KLRB1: variants seen among roughly 807,000 people sequenced by gnomAD.
The protein encoded by KLRB1 is killer cell lectin-like receptor subfamily B member 1.
A neutral mutation model predicts 33.5 loss-of-function variants in KLRB1; 27 were observed. That is an observed-to-expected ratio of 0.81 (90% CI 0.59 to 1.11). The LOEUF (loss-of-function observed/expected upper bound fraction) is 1.11. Among genes scored for constraint, KLRB1 ranks in the 50% most tolerant of loss-of-function variants. The pLI, the probability that KLRB1 is intolerant of heterozygous loss-of-function variation, is 0.00. For synonymous variants in KLRB1, 64 were observed against 88.9 expected, an observed-to-expected ratio of 0.72 and a Z score of 1.58; for missense variants, 241 against 254.1, an observed-to-expected ratio of 0.95 and a Z score of 0.35.
chr12:9,594,961 T>A lies in KLRB1; in HGVS notation c.*313A>T, dbSNP rs2058427. 0.47 allele frequency: 102,184 copies of A among 218,706 alleles called. 24,596 individuals are homozygous for A. Among genetic ancestry groups the A allele is most frequent in the Non-Finnish European group, 0.5 (55,535 of 111,414 alleles). The allele number at this position is 218,706 out of a possible 1,614,324, so 13.5% of individuals were successfully genotyped here. The stretch of plus-strand genomic sequence containing the variant: ...AGCTCTCCCTTTCTGAATCTACAAT[T>A]TCTCCACTGTTTTAAACACAAAACA... On this transcript the variant is annotated 3_prime_UTR_variant, in exon 6 of 6. Transcript: ENST00000229402.
Position 9,599,821 on chromosome 12 carries a change from A to G in KLRB1, c.205T>C (p.Ser69Pro). 6.3e-7 allele frequency: 1 copy of G among 1,598,044 alleles called. No individual in the cohort carries two copies. The highest frequency in any genetic ancestry group is 2.2e-5 in the East Asian group (1 of 44,722). The change falls in exon 3 of 6, where the codon TCA (serine) becomes CCA (proline). Residue 69 changes from serine (S) to proline (P), a missense_variant. Physicochemically the swap from Ser to Pro is moderately conservative, Grantham distance 74 (BLOSUM62 -1). Coordinates refer to ENST00000229402, the MANE Select transcript of KLRB1 (RefSeq NM_002258.3). ...TCCACACTGCATTTTTCTATTGATG[A>G]TTTCTGTATTAAGGATGTCACTAGT... ...SVSVTSLIQK[S>P]SIEKCSVDIQ...
intron 1 of KLRB1, among the ~76,000 whole-genome samples, chr12:9,605,287 G>A (rs894880598): frequency 1.3e-4 from 20 of 152,092 alleles, no homozygotes; most frequent in African/African-American, 4.1e-4. Flanking sequence ...GAATGCTGCC[G>A]CAATAAACAT....
In KLRB1 at chr12:9,601,675, C is replaced by T. The variant is rs1465520153; in HGVS notation, c.86-76G>A. 4 of 924,544 alleles carry T rather than the reference C, an allele frequency of 4.3e-6. No homozygotes were observed. The African/African-American group carries it at 6.4e-5, about 15-fold the overall frequency. The allele number at this position is 924,544 out of a possible 1,614,324, so 57.3% of individuals were successfully genotyped here. ...AAACCTTGGTTAACTCAGTGGAGTA[C>T]ATCTGGCACAAAAATGTACTTGGGA... On this transcript the variant is annotated intron_variant, in intron 1 of 5. Transcript: ENST00000229402.
chr12:9,602,554 C>A (rs1211523273), intron 1 of KLRB1, among the ~76,000 whole-genome samples: 2 of 151,888 alleles, frequency 1.3e-5, no homozygotes, highest in Non-Finnish European at 2.9e-5. Context: ...TAAATAGCTC[C>A]CCTATCTCTG....
intron 2 of KLRB1, among the ~76,000 whole-genome samples, chr12:9,600,678 T>A (rs1591656592): frequency 6.6e-6 from 1 of 152,132 alleles, no homozygotes; most frequent in East Asian, 1.9e-4. Context: ...TGTGCTTTGT[T>A]AAACAGATGC....
chr12:9,598,012 A>T (rs1348976753), intron 5 of KLRB1, 34 bp downstream of exon 5: 3 of 977,136 alleles, frequency 3.1e-6, no homozygotes, highest in Non-Finnish European at 4.8e-6. Context: ...CCTGATATAA[A>T]TTGAATATTA....
At chr12:9,597,543 C>T (rs1028687170) in intron 5 of KLRB1, among the ~76,000 whole-genome samples, 5 of 152,120 alleles carry the variant, frequency 3.3e-5, no homozygotes, top group African/African-American at 9.7e-5. Context: ...ATCACATCGT[C>T]TCAAGTACCT....
intron 1 of KLRB1, among the ~76,000 whole-genome samples, chr12:9,607,049 G>T (rs1206894497): frequency 6.6e-6 from 1 of 151,820 alleles, no homozygotes; most frequent in Non-Finnish European, 1.5e-5. Flanking sequence ...CACTGCAACT[G>T]GCCTACACGT....
At chr12:9,607,355 C>CCTCCTTT (rs1864625874) in intron 1 of KLRB1, among the ~76,000 whole-genome samples, 1 of 52,706 alleles carries the variant, frequency 1.9e-5, no homozygotes, top group Non-Finnish European at 4.4e-5. Flanking sequence ...TTTCTTTCTT[C>CCTCCTTT]CTTTCTTTCT....
chr12:9,606,994 C>G (rs148856391), intron 1 of KLRB1, among the ~76,000 whole-genome samples: 1,593 of 151,624 alleles, frequency 0.011, 32 homozygotes, highest in African/African-American at 0.036. Flanking sequence ...TGGACTCAAG[C>G]AAATCACCTT....
chr12:9,607,335 C>CCTTCCTTCCTTTCTTT lies in KLRB1; in HGVS notation c.85+419_85+420insAAAGAAAGGAAGGAAG, dbSNP rs1864621978. On this transcript the variant is annotated intron_variant, in intron 1 of 5. Coordinates refer to ENST00000229402, the MANE Select transcript of KLRB1 (RefSeq NM_002258.3). ...TTTCTTCTTTTCTTTCTCTTTCTTT[C>CCTTCCTTCCTTTCTTT]CTTTCTTTCTTTCTTTCTTCCTTTC... 6.1e-4 allele frequency among the ~76,000 whole-genome samples: 40 copies of CCTTCCTTCCTTTCTTT among 65,270 alleles called. 3 individuals carry two copies. Among genetic ancestry groups the CCTTCCTTCCTTTCTTT allele is most frequent in the South Asian group, 2.5e-3 (3 of 1,178 alleles). The allele number at this position is 65,270 out of a possible 152,430, so 42.8% of individuals were successfully genotyped here. A position where few individuals can be genotyped will look rare whatever the true frequency, so the allele number is the denominator to read the frequency against.
chr12:9,606,035 CA>C (rs1864595449), intron 1 of KLRB1, among the ~76,000 whole-genome samples: 1 of 152,024 alleles, frequency 6.6e-6, no homozygotes, highest in Admixed American at 6.6e-5. Flanking sequence ...GTTACTCAAC[CA>C]AATCCTCCCT....
chr12:9,607,335 C>T (rs756999378), intron 1 of KLRB1, among the ~76,000 whole-genome samples: 21,283 of 65,320 alleles, frequency 0.33, 3,498 homozygotes, highest in African/African-American at 0.37. Flanking sequence ...CTCTTTCTTT[C>T]CTTTCTTTCT....
intron 1 of KLRB1, among the ~76,000 whole-genome samples, chr12:9,604,036 T>A (rs1206868443): frequency 6.6e-6 from 1 of 151,774 alleles, no homozygotes; most frequent in Non-Finnish European, 1.5e-5. Flanking sequence ...TTTTTAACTA[T>A]AGGTAAAAGG....
At chr12:9,606,741 TATATATA>T (rs1864607210) in intron 1 of KLRB1, among the ~76,000 whole-genome samples, 1 of 23,550 alleles carries the variant, frequency 4.2e-5, no homozygotes, top group Non-Finnish European at 7.9e-5. Flanking sequence ...AAAGTATATA[TATATATA>T]TATATATATA....
In KLRB1 at chr12:9,607,831, T is replaced by C; in HGVS notation, c.9A>G (p.Gln3=). 2 of 1,612,622 alleles carry C rather than the reference T, an allele frequency of 1.2e-6. No homozygotes were observed. Among genetic ancestry groups the C allele is most frequent in the South Asian group, 1.1e-5 (1 of 91,014 alleles). MD[Q]QAIYAELNLP... ...AGTTTAACTCAGCATATATTGCTTG[T>C]TGGTCCATGGCAGACAGAGGAAGGT... Residue 3 remains glutamine (Q), a synonymous_variant, in exon 1 of 6, where the codon CAA becomes CAG. Transcript: ENST00000229402.
intron 5 of KLRB1, among the ~76,000 whole-genome samples, 197 bp from the exon 6 acceptor site, chr12:9,595,618 C>T (rs749201652): frequency 6.6e-6 from 1 of 152,204 alleles, no homozygotes; most frequent in Non-Finnish European, 1.5e-5. Context: ...CCAAGTTCAT[C>T]TTCATTGGAA....
Position 9,598,035 on chromosome 12 carries a change from C to G in KLRB1, c.530+11G>C, listed in dbSNP as rs1250577183. On this transcript the variant is annotated intron_variant, in intron 5 of 5. Coordinates refer to ENST00000229402, the MANE Select transcript of KLRB1 (RefSeq NM_002258.3). The stretch of plus-strand genomic sequence containing the variant: ...AAATTGAATATTAAAGTTAGCTCAT[C>G]TAATACTCACTCATTAGAATTTAAA... The G allele has an allele frequency of 4.2e-6, 5 of 1,200,462 alleles. No individual in the cohort carries two copies. The highest frequency in any genetic ancestry group is 1.3e-5 in the South Asian group (1 of 77,544). The allele number at this position is 1,200,462 out of a possible 1,614,324, so 74.4% of individuals were successfully genotyped here.
Position 9,599,782 on chromosome 12 carries a change from T to C in KLRB1, c.244A>G (p.Arg82Gly), listed in dbSNP as rs1354638780. 1 of 1,600,680 alleles carries C rather than the reference T, an allele frequency of 6.2e-7. No individual in the cohort carries two copies. The change falls in exon 3 of 6, where the codon AGG (arginine) becomes GGG (glycine). Residue 82 changes from arginine to glycine, a missense_variant. By Grantham distance (125) the Arg-to-Gly change is moderately radical. Transcript: ENST00000229402. ...ACACAATTACCTGTTGTTTTATTCCTGCTCTGTTGAATGTCCACACTGCAT... is the reference window on the plus strand; with the variant it reads ...ACACAATTACCTGTTGTTTTATTCCCGCTCTGTTGAATGTCCACACTGCAT... ...EKCSVDIQQS[R>G]NKTTERPGLL...
Sources: gnomAD v4.1 joint callset for allele counts (sites outside exome capture counted in the v4.1 genomes callset) on GRCh38, gnomAD v4.1.1 for gene constraint, MANE v1.5 for transcripts, NCBI Gene and HGNC (gene_info 2026-07-23, HGNC 2026-07-21) for gene names.